The following FLT3 variants were observed in gnomAD, a reference collection of about 807,000 sequenced individuals.
FLT3 encodes the protein receptor-type tyrosine-protein kinase FLT3.
A neutral mutation model predicts 126.6 loss-of-function variants in FLT3; 46 were observed. The ratio of observed to expected loss-of-function variants is 0.36; its 90% CI spans 0.29 to 0.46. The LOEUF (loss-of-function observed/expected upper bound fraction) is 0.46. Among genes scored for constraint, FLT3 ranks in the 20% least tolerant of loss-of-function variants. FLT3 has a pLI of 1.00. For synonymous variants in FLT3, 404 were observed against 434.4 expected, an observed-to-expected ratio of 0.93 and a Z score of 0.87; for missense variants, 1,069 against 1,190.3, an observed-to-expected ratio of 0.90 and a Z score of 1.50.
At chr13:28,060,123 G>A (rs557596782) in intron 3 of FLT3, among the ~76,000 whole-genome samples, 52 of 148,742 alleles carry the variant, frequency 3.5e-4, no homozygotes, top group Middle Eastern at 3.8e-3. Context: ...GACCCAGTGC[G>A]GTGGCTCACG....
chr13:28,007,340 A>C (rs191133487), intron 23 of FLT3, among the ~76,000 whole-genome samples: 2 of 152,110 alleles, frequency 1.3e-5, no homozygotes, highest in Non-Finnish European at 2.9e-5. Context: ...TCAACCTCCT[A>C]GGCAGAAGTG....
chr13:28,018,990 G>A (rs61946324), intron 19 of FLT3, among the ~76,000 whole-genome samples: 24,649 of 142,072 alleles, frequency 0.17, 2,249 homozygotes, highest in Admixed American at 0.25. Flanking sequence ...TTTTTGAGAC[G>A]GAGTTTCACT....
intron 21 of FLT3, 138 bp downstream of exon 21, chr13:28,015,452 C>T (rs1160527105): frequency 1.5e-6 from 1 of 674,386 alleles, no homozygotes; most frequent in Non-Finnish European, 2.6e-6. Flanking sequence ...GGCTAAAGGA[C>T]ACCAGCAAAT....
intron 2 of FLT3, among the ~76,000 whole-genome samples, chr13:28,064,243 A>G (rs1300550782): frequency 6.6e-6 from 1 of 152,240 alleles, no homozygotes; most frequent in African/African-American, 2.4e-5. Context: ...ACAACTGGGA[A>G]AAAGAATTGA....
intron 2 of FLT3, chr13:28,068,278 G>A (rs1191614176): frequency 1.3e-5 from 2 of 152,376 alleles, no homozygotes; most frequent in Admixed American, 6.6e-5. Flanking sequence ...AATACTTGGT[G>A]CCTTAGTATA....
At chr13:28,049,000 A>G (rs1326096887) in intron 8 of FLT3, among the ~76,000 whole-genome samples, 1 of 152,194 alleles carries the variant, frequency 6.6e-6, no homozygotes, top group Non-Finnish European at 1.5e-5. Flanking sequence ...TCACTGCCCT[A>G]ACAGTGCGGT....
In FLT3 at chr13:28,035,960, T is replaced by C; in HGVS notation, c.1393A>G (p.Lys465Glu). The C allele has an allele frequency of 6.2e-7, 1 of 1,613,962 alleles. No homozygotes were observed. Among genetic ancestry groups the C allele is most frequent in the Non-Finnish European group, 8.5e-7 (1 of 1,179,822 alleles). Reference protein sequence around the residue: ...DGYPLPSWTWKKCSDKSPNCT... With the variant: ...DGYPLPSWTWEKCSDKSPNCT... The stretch of plus-strand genomic sequence containing the variant: ...TTGGGAGACTTGTCTGAACACTTCT[T>C]CCAGGTCCAAGATGGTAATGGGTAT... The change falls in exon 11 of 24, where the codon AAG becomes GAG. Residue 465 changes from lysine to glutamate, a missense_variant. Lys to Glu is a moderately conservative substitution (Grantham distance 56). Transcript: ENST00000241453.
chr13:28,040,613 C>T (rs1057365226), intron 9 of FLT3, among the ~76,000 whole-genome samples: 2 of 151,986 alleles, frequency 1.3e-5, no homozygotes, highest in African/African-American at 4.8e-5. Context: ...ATGTTCTGTG[C>T]CCTGAACTCG....
chr13:28,097,483 A>G (rs560088563), intron 1 of FLT3, among the ~76,000 whole-genome samples: 3 of 152,346 alleles, frequency 2.0e-5, no homozygotes, highest in Non-Finnish European at 1.5e-5. Context: ...GAGTTACTGA[A>G]AGTGCCTTCT....
intron 23 of FLT3, among the ~76,000 whole-genome samples, chr13:28,014,043 G>T (rs796502632): frequency 3.9e-4 from 60 of 152,136 alleles, no homozygotes; most frequent in African/African-American, 1.4e-3. Flanking sequence ...AGGCTGAGGT[G>T]GGGGAATCGC....
At chr13:28,022,942 AC>A in intron 19 of FLT3, among the ~76,000 whole-genome samples, 1 of 152,340 alleles carries the variant, frequency 6.6e-6, no homozygotes, top group South Asian at 2.1e-4. Context: ...TTAGACAAAG[AC>A]ACTCAGGGTG....
intron 15 of FLT3, among the ~76,000 whole-genome samples, chr13:28,030,954 C>T (rs190470898): frequency 2.1e-4 from 32 of 151,114 alleles, no homozygotes; most frequent in Middle Eastern, 3.5e-3. Context: ...GGGCTGGGCA[C>T]GGTGGCTCAT....
At chr13:28,070,805 C>A (rs1877437080) in intron 1 of FLT3, among the ~76,000 whole-genome samples, 193 bp from the exon 2 acceptor site, 1 of 152,130 alleles carries the variant, frequency 6.6e-6, no homozygotes, top group Non-Finnish European at 1.5e-5. Flanking sequence ...TAGAGCAGGG[C>A]TGTCCAATAA....
chr13:28,028,017 A>G (rs571884548), intron 16 of FLT3, among the ~76,000 whole-genome samples, 161 bp downstream of exon 16: 4 of 152,234 alleles, frequency 2.6e-5, no homozygotes, highest in Non-Finnish European at 5.9e-5. Flanking sequence ...TCTGATTTAT[A>G]GAGTGCTCAG....
intron 4 of FLT3, among the ~76,000 whole-genome samples, chr13:28,053,472 C>T (rs1039778811): frequency 4.0e-5 from 6 of 148,652 alleles, no homozygotes; most frequent in Non-Finnish European, 7.4e-5. Flanking sequence ...ACCCACGGAG[C>T]CACTATCCAC....
At position 28,034,232 on chromosome 13, in the gene FLT3, T is replaced by G. The variant is rs917940415; in HGVS notation, c.1705-18A>C. The G allele has an allele frequency of 1.2e-6, 2 of 1,613,944 alleles. No individual in the cohort carries two copies. The highest frequency in any genetic ancestry group is 1.7e-6 in the Non-Finnish European group (2 of 1,179,912). On this transcript the variant is annotated intron_variant, in intron 13 of 23. Transcript: ENST00000241453. ...CTAAATTGCTTCAGAGATGAAATGA[T>G]GAGTCAGTTAGGAATAGGCAGTTCT...
chr13:28,084,949 T>C lies in FLT3; in HGVS notation c.44-14337A>G, dbSNP rs1200314934. Among the ~76,000 whole-genome samples the C allele has an allele frequency of 2.8e-5, 4 of 142,150 alleles. No individual in the cohort carries two copies. The South Asian group carries it at 9.2e-4, about 33-fold the overall frequency. 93.3% of individuals were successfully genotyped at this position (142,150 alleles called of 152,430 possible). On this transcript the variant is annotated intron_variant, in intron 1 of 23. Coordinates refer to ENST00000241453, the MANE Select transcript of FLT3 (RefSeq NM_004119.3). ...GAGATCGCACCACTGCACTCCAGCC[T>C]GGGCGACAGAGCGAGCCTTCCTCTA...
chr13:28,035,898 G>A, intron 11 of FLT3, 37 bp downstream of exon 11: 1 of 1,482,768 alleles, frequency 6.7e-7, no homozygotes, highest in Non-Finnish European at 9.4e-7. Context: ...AGAGTTTTAT[G>A]TTCTTCCATT....
chr13:28,082,774 G>A (rs190475142), intron 1 of FLT3, among the ~76,000 whole-genome samples: 1 of 152,208 alleles, frequency 6.6e-6, no homozygotes, highest in East Asian at 1.9e-4. Context: ...CGCGATCTCA[G>A]CTCACTGCAA....
Sources: gnomAD v4.1 joint callset for allele counts (sites outside exome capture counted in the v4.1 genomes callset) on GRCh38, gnomAD v4.1.1 for gene constraint, MANE v1.5 for transcripts, NCBI Gene and HGNC (gene_info 2026-07-23, HGNC 2026-07-21) for gene names.